The following TBP variants were observed in gnomAD, a reference collection of about 807,000 sequenced individuals.
The protein encoded by TBP is TATA-box-binding protein.
Under a neutral mutation model 46.2 loss-of-function variants are expected in TBP, and 12 were observed. That is an observed-to-expected ratio of 0.26 (90% confidence interval 0.17 to 0.42). The LOEUF (loss-of-function observed/expected upper bound fraction) is 0.42, where lower values mean the gene tolerates loss of function less well. Ranked by LOEUF, TBP falls within the 10% of genes least tolerant of loss-of-function variation. The probability of loss-of-function intolerance (pLI) is 1.00; values close to 1 mark genes in which losing one functional copy is unlikely to be tolerated. For missense variants in TBP, 229 were observed against 403.1 expected (o/e 0.57, Z 3.70); for synonymous variants, 157 against 148.3 (o/e 1.06, Z -0.42).
At chr6:170,571,167 A>G (rs190765415) in intron 6 of TBP, among the ~76,000 whole-genome samples, 22 of 152,348 alleles carry the variant, frequency 1.4e-4, no homozygotes, top group Admixed American at 5.2e-4. Flanking sequence ...TCCAGATTCA[A>G]TAGAAATAGG....
At chr6:170,564,732 T>G in intron 4 of TBP, 100 bp downstream of exon 4, 1 of 742,552 alleles carries the variant, frequency 1.3e-6, no homozygotes. Flanking sequence ...CAAATGTCTG[T>G]AGATCAGGCC....
Position 170,562,002 on chromosome 6 carries a change from A to AGTG in TBP, c.267_268insTGG (p.Gln89_Gln90insTrp), listed in dbSNP as rs1779156235. 6.2e-7 allele frequency: 1 copy of AGTG among 1,607,216 alleles called. No individual in the cohort carries two copies. Among genetic ancestry groups the AGTG allele is most frequent in the African/African-American group, 1.4e-5 (1 of 73,996 alleles). On this transcript the variant is annotated inframe_insertion, in exon 3 of 8. Transcript: ENST00000392092. ...CAGCAGCAGCAGCAGCAGCAGCAGC[A>AGTG]GCAGCAGCAGCAGCAACAGGCAGTG...
In TBP at chr6:170,571,968, G is replaced by A. The variant is rs148609911; in HGVS notation, c.941-218G>A. 3.7e-3 allele frequency among the ~76,000 whole-genome samples: 557 copies of A among 151,774 alleles called. 1 individual carries two copies. Among genetic ancestry groups the A allele is most frequent in the Non-Finnish European group, 5.6e-3 (383 of 67,954 alleles). ...TGCCTCTTGAGCTATAGAATGAGAC[G>A]CTGGAGTCACTAAGATGATTTTTTA... On this transcript the variant is annotated intron_variant, in intron 7 of 7. Transcript: ENST00000392092.
chr6:170,558,663 T>C (rs1395644612), intron 2 of TBP, among the ~76,000 whole-genome samples: 1 of 152,024 alleles, frequency 6.6e-6, no homozygotes, highest in South Asian at 2.1e-4. Flanking sequence ...TTATCCGTTA[T>C]TGTTATCAAA....
Position 170,572,303 on chromosome 6 carries a change from T to C in TBP, c.*38T>C. 2 of 1,244,040 alleles carry C rather than the reference T, an allele frequency of 1.6e-6. No homozygotes were observed. Among genetic ancestry groups the C allele is most frequent in the Non-Finnish European group, 2.2e-6 (2 of 895,824 alleles). The allele number at this position is 1,244,040 out of a possible 1,614,324, so 77.1% of individuals were successfully genotyped here. ...ACCCTTGCCTCCCCCACCCCCTTCT[T>C]TTTTTTTTTTTAAACAAATCAGTTT... On this transcript the variant is annotated 3_prime_UTR_variant, in exon 8 of 8. Coordinates refer to ENST00000392092, the MANE Select transcript of TBP (RefSeq NM_003194.5).
At chr6:170,560,712 G>T (rs957686426) in intron 2 of TBP, among the ~76,000 whole-genome samples, 3 of 152,220 alleles carry the variant, frequency 2.0e-5, no homozygotes, top group African/African-American at 7.2e-5. Flanking sequence ...TACTGCAGGT[G>T]TAGTGGAAAT....
chr6:170,558,050 A>G (rs1461972620), intron 2 of TBP, among the ~76,000 whole-genome samples: 1 of 152,174 alleles, frequency 6.6e-6, no homozygotes, highest in East Asian at 1.9e-4. Flanking sequence ...TAGTTAATCC[A>G]TTGTATAGCT....
intron 5 of TBP, among the ~76,000 whole-genome samples, chr6:170,568,725 T>A (rs1295841222): frequency 1.3e-5 from 2 of 151,502 alleles, no homozygotes; most frequent in African/African-American, 4.9e-5. Context: ...AGTGTTGGGA[T>A]TACAGGTGTG....
chr6:170,564,775 C>T (rs1779212963), intron 4 of TBP, 143 bp downstream of exon 4: 1 of 387,634 alleles, frequency 2.6e-6, no homozygotes, highest in South Asian at 3.5e-5. Context: ...AATCCCAGCA[C>T]TTTGGGAGGC....
intron 3 of TBP, among the ~76,000 whole-genome samples, chr6:170,564,053 A>C (rs12202577): frequency 0.04 from 6,149 of 152,054 alleles, 155 homozygotes; most frequent in Middle Eastern, 0.085. Flanking sequence ...TGCTAAAGAC[A>C]CTTAGCTCTT....
intron 1 of TBP, among the ~76,000 whole-genome samples, chr6:170,555,718 G>A (rs1779010864): frequency 6.6e-6 from 1 of 152,116 alleles, no homozygotes; most frequent in Non-Finnish European, 1.5e-5. Context: ...ATCACATACT[G>A]TATTCCAGGC....
At position 170,571,457 on chromosome 6, in the gene TBP, C is replaced by T. The variant is rs1325232464; in HGVS notation, c.893C>T (p.Pro298Leu). ...FPGLIYRMIK[P>L]RIVLLIFVSG... Reference sequence around the variant, plus strand: ...GGTTTAATCTACAGAATGATCAAACCCAGAATTGTTCTCCTTATTTTTGTT... The same window carrying T: ...GGTTTAATCTACAGAATGATCAAACTCAGAATTGTTCTCCTTATTTTTGTT... The change falls in exon 7 of 8, where the codon CCC becomes CTC. Residue 298 changes from proline to leucine, a missense_variant. This residue lies in a region of TBP where 44 missense variants were observed against 54.1 expected (regional missense o/e 0.81). Transcript: ENST00000392092. The T allele has an allele frequency of 6.2e-7, 1 of 1,613,878 alleles. No individual in the cohort carries two copies. Among genetic ancestry groups the T allele is most frequent in the African/African-American group, 1.3e-5 (1 of 75,018 alleles).
chr6:170,570,143 C>G (rs1408942295), intron 6 of TBP, among the ~76,000 whole-genome samples: 1 of 152,178 alleles, frequency 6.6e-6, no homozygotes, highest in Non-Finnish European at 1.5e-5. Flanking sequence ...TGTGTCAGAT[C>G]TACCAGCAAA....
intron 5 of TBP, among the ~76,000 whole-genome samples, chr6:170,568,506 G>A (rs1193142045): frequency 5.9e-5 from 9 of 152,114 alleles, no homozygotes; most frequent in Middle Eastern, 3.2e-3. Context: ...CCAGGCTGGA[G>A]TGCAGTGGCA....
intron 6 of TBP, among the ~76,000 whole-genome samples, 179 bp from the exon 7 acceptor site, chr6:170,571,231 C>T (rs539483242): frequency 6.6e-6 from 1 of 152,220 alleles, no homozygotes; most frequent in Non-Finnish European, 1.5e-5. Flanking sequence ...CAACTGACGA[C>T]TACAAGTCGG....
At chr6:170,559,439 C>T (rs934601658) in intron 2 of TBP, among the ~76,000 whole-genome samples, 2 of 152,178 alleles carry the variant, frequency 1.3e-5, no homozygotes, top group African/African-American at 4.8e-5. Flanking sequence ...GCAAAACAGC[C>T]TTATTGCTTA....
chr6:170,563,205 C>A (rs913820719), intron 3 of TBP, among the ~76,000 whole-genome samples: 1 of 152,174 alleles, frequency 6.6e-6, no homozygotes, highest in Non-Finnish European at 1.5e-5. Flanking sequence ...GCATGCTTGT[C>A]TGACTCCCAG....
intron 2 of TBP, among the ~76,000 whole-genome samples, chr6:170,557,747 A>AAAC (rs1554245496): frequency 3.3e-5 from 5 of 150,436 alleles, no homozygotes; most frequent in Non-Finnish European, 5.9e-5. Context: ...AAAAAAAAAA[A>AAAC]AAAAAAAAAA....
At chr6:170,561,010 T>C (rs1779128973) in intron 2 of TBP, among the ~76,000 whole-genome samples, 1 of 152,132 alleles carries the variant, frequency 6.6e-6, no homozygotes, top group Non-Finnish European at 1.5e-5. Context: ...ACATCTTCAG[T>C]GAAAGGAAGA....
Sources: gnomAD v4.1 joint callset for allele counts (sites outside exome capture counted in the v4.1 genomes callset) on GRCh38, gnomAD v4.1.1 for gene constraint, gnomAD v4.1.1 regional missense constraint, MANE v1.5 for transcripts, NCBI Gene and HGNC (gene_info 2026-07-23, HGNC 2026-07-21) for gene names.